The following ACLY variants were observed in gnomAD, a reference collection of about 807,000 sequenced individuals.
ACLY encodes ATP citrate lyase.
In ACLY, 41 loss-of-function variants were observed where a neutral mutation model predicts 133.0. That is an observed-to-expected ratio of 0.31 (90% CI 0.24 to 0.40). ACLY has a LOEUF of 0.40. ACLY is among the 10% of genes least tolerant of loss of function. The pLI is 1.00. For missense variants in ACLY, 1,046 were observed against 1,453.8 expected, an observed-to-expected ratio of 0.72 and a Z score of 4.56; for synonymous variants, 495 against 549.3, an observed-to-expected ratio of 0.90 and a Z score of 1.38.
In ACLY at chr17:41,882,135, G is replaced by A. The variant is rs547363970; in HGVS notation, c.2265+987C>T. 1.5e-4 allele frequency among the ~76,000 whole-genome samples: 23 copies of A among 152,024 alleles called. No homozygotes were observed. In the South Asian group the frequency reaches 4.6e-3, roughly 30 times the overall value. On this transcript the variant is annotated intron_variant, in intron 20 of 28. Coordinates refer to ENST00000352035, the MANE Select transcript of ACLY (RefSeq NM_001096.3). ...TGTAATCCCAGCGCTTTGGGAGGAT[G>A]AGGCAGGCAGATCACAAGGTCAGGA...
At chr17:41,868,842 A>C in intron 27 of ACLY, 57 bp from the exon 28 acceptor site, 3 of 1,528,976 alleles carry the variant, frequency 2.0e-6, no homozygotes, top group Non-Finnish European at 2.7e-6. Flanking sequence ...CCTCCTCCCC[A>C]CAGACAGTAC....
intron 1 of ACLY, among the ~76,000 whole-genome samples, chr17:41,929,796 A>G (rs1235673573): frequency 3.9e-5 from 6 of 152,196 alleles, no homozygotes; most frequent in African/African-American, 7.2e-5. Flanking sequence ...GTACAATAAC[A>G]CAACCAGAAA....
In ACLY at chr17:41,905,361, G is replaced by C. The variant is rs562894947; in HGVS notation, c.1003+161C>G. The stretch of plus-strand genomic sequence containing the variant: ...CTGATAGATGTGGTCCCTGCCCTCT[G>C]TGCAGTCAGAGAAACTGAGAGCCAA... On this transcript the variant is annotated intron_variant, in intron 9 of 28. Transcript: ENST00000352035. Among the ~76,000 whole-genome samples, 22 of 152,262 alleles carry C rather than the reference G, an allele frequency of 1.4e-4. 1 individual carries two copies. In the South Asian group the frequency reaches 4.3e-3, roughly 30 times the overall value.
Position 41,907,513 on chromosome 17 carries a change from C to T in ACLY, c.676G>A (p.Asp226Asn), listed in dbSNP as rs782737276. The T allele has an allele frequency of 3.7e-6, 6 of 1,613,886 alleles. No individual in the cohort carries two copies. Among genetic ancestry groups the T allele is most frequent in the South Asian group, 3.3e-5 (3 of 91,050 alleles). Residue 226 changes from aspartate (D) to asparagine (N), a missense_variant, in exon 7 of 29, where the codon GAC (aspartate) becomes AAC (asparagine). Asp to Asn is a conservative substitution (Grantham distance 23). Coordinates refer to ENST00000352035, the MANE Select transcript of ACLY (RefSeq NM_001096.3). ...CCCCACTTCACTTTGCAGATGTAGT[C>T]GGCAGTGGCGTCCACCTTGGCCGCC... ...DLAAKVDATA[D>N]YICKVKWGDI...
upstream of ACLY, among the ~76,000 whole-genome samples, chr17:41,921,479 G>GAA (rs782660866): frequency 3.8e-4 from 16 of 42,356 alleles, no homozygotes; most frequent in Admixed American, 5.2e-4. Flanking sequence ...CCCTGTCTCA[G>GAA]AAAAAAAAAA....
chr17:41,887,569 C>A (rs1567894978), intron 17 of ACLY, 30 bp downstream of exon 17: 1 of 1,594,102 alleles, frequency 6.3e-7, no homozygotes, highest in Admixed American at 1.7e-5. Context: ...TAGCATCGAA[C>A]GTAAAAGGCT....
chr17:41,884,386 G>C (rs2048996822), intron 18 of ACLY, 112 bp from the exon 19 acceptor site: 4 of 721,942 alleles, frequency 5.5e-6, no homozygotes, highest in Admixed American at 2.2e-5. Flanking sequence ...GGGGGATGTG[G>C]ATGGCCAGTA....
intron 1 of ACLY, among the ~76,000 whole-genome samples, chr17:41,924,784 A>G (rs774487586): frequency 1.3e-5 from 2 of 152,130 alleles, no homozygotes; most frequent in Non-Finnish European, 2.9e-5. Context: ...GGGATGCAGC[A>G]TCTGTGCTCA....
At chr17:41,910,733 A>T (rs570386216) in intron 3 of ACLY, among the ~76,000 whole-genome samples, 1 of 152,180 alleles carries the variant, frequency 6.6e-6, no homozygotes, top group Non-Finnish European at 1.5e-5. Context: ...GCCAGGGCTT[A>T]ATCAGGGAAA....
exon 1 of ACLY, chr17:41,930,523 C>T (rs1207298057): frequency 2.0e-5 from 11 of 545,566 alleles, no homozygotes; most frequent in South Asian, 1.7e-4. Flanking sequence ...TCATCACTCC[C>T]TGGCCCAGTG....
intron 19 of ACLY, 29 bp downstream of exon 19, chr17:41,884,164 T>C: frequency 7.2e-7 from 1 of 1,398,120 alleles, no homozygotes; most frequent in Non-Finnish European, 1.0e-6. Context: ...AGTTTTAAAA[T>C]CATAATTTTT....
intron 3 of ACLY, 57 bp from the exon 4 acceptor site, chr17:41,910,341 G>A: frequency 1.3e-6 from 2 of 1,506,240 alleles, no homozygotes; most frequent in Non-Finnish European, 1.8e-6. Context: ...TGCCCCTAGG[G>A]CAGAAGGAGG....
chr17:41,927,072 T>C (rs1429379423), intron 1 of ACLY, among the ~76,000 whole-genome samples: 1 of 152,146 alleles, frequency 6.6e-6, no homozygotes, highest in Admixed American at 6.6e-5. Context: ...TTCTCCATGT[T>C]GGTCAGGCTG....
At chr17:41,882,872 T>C (rs182168214) in intron 20 of ACLY, among the ~76,000 whole-genome samples, 12 of 152,276 alleles carry the variant, frequency 7.9e-5, no homozygotes, top group Middle Eastern at 3.4e-3. Context: ...AGACAGCTGG[T>C]TGCTACCTAC....
At chr17:41,887,486 G>A in intron 17 of ACLY, 113 bp downstream of exon 17, 1 of 850,774 alleles carries the variant, frequency 1.2e-6, no homozygotes, top group Non-Finnish European at 1.9e-6. Context: ...CATACTTCCT[G>A]AATCTTCTCA....
intron 28 of ACLY, among the ~76,000 whole-genome samples, chr17:41,868,400 T>G (rs868955035): frequency 7.7e-6 from 1 of 130,626 alleles, no homozygotes; most frequent in Non-Finnish European, 1.5e-5. Flanking sequence ...ACCGCGCCAC[T>G]GCACTCCAGC....
At chr17:41,916,671 C>T (rs1252664019) in intron 1 of ACLY, among the ~76,000 whole-genome samples, 5 of 148,904 alleles carry the variant, frequency 3.4e-5, no homozygotes, top group Non-Finnish European at 6.0e-5. Context: ...CCACCACGCC[C>T]GGCCTTCAGT....
chr17:41,872,611 G>A (rs576668760), intron 23 of ACLY, among the ~76,000 whole-genome samples: 2 of 152,296 alleles, frequency 1.3e-5, no homozygotes, highest in Non-Finnish European at 2.9e-5. Flanking sequence ...ATACAGGCAT[G>A]AGCCACCGCG....
At chr17:41,930,196 TA>T (rs1555636464) in intron 1 of ACLY, among the ~76,000 whole-genome samples, 2 of 152,242 alleles carry the variant, frequency 1.3e-5, no homozygotes, top group Non-Finnish European at 2.9e-5. Flanking sequence ...ATTATTTTCA[TA>T]TTTATTTGGC....
Sources: allele counts gnomAD v4.1 joint callset (sites outside exome capture counted in the v4.1 genomes callset), GRCh38; gene constraint gnomAD v4.1.1; transcripts MANE v1.5; gene names NCBI Gene and HGNC (gene_info 2026-07-23, HGNC 2026-07-21).